The following LRRC3C variants were observed in gnomAD, a reference collection of about 807,000 sequenced individuals.
LRRC3C encodes leucine-rich repeat-containing protein 3C.
Under a neutral mutation model 14.8 loss-of-function variants are expected in LRRC3C, and 11 were observed. That is an observed-to-expected ratio of 0.74 (90% confidence interval 0.47 to 1.23). The LOEUF (loss-of-function observed/expected upper bound fraction) is 1.23, where lower values mean the gene tolerates loss of function less well. LRRC3C is among the 50% of genes most tolerant of loss of function. LRRC3C has a pLI of 0.00. For synonymous variants in LRRC3C, 149 were observed against 161.5 expected, an observed-to-expected ratio of 0.92 and a Z score of 0.59; for missense variants, 354 against 361.8, an observed-to-expected ratio of 0.98 and a Z score of 0.18.
Position 39,944,821 on chromosome 17 carries a change from C to A in LRRC3C, c.*87C>A. On this transcript the variant is annotated 3_prime_UTR_variant, in exon 4 of 4. Transcript: ENST00000377924. ...CTGACCCCCTCTGCCTCCTGTGCAG[C>A]TTCACCCCTGCCCCCAAGCCCATCC... is the stretch of plus-strand genomic sequence containing the variant. The A allele has an allele frequency of 8.0e-7, 1 of 1,248,218 alleles. No homozygotes were observed. The highest frequency in any genetic ancestry group is 1.1e-6 in the Non-Finnish European group (1 of 902,390). 77.3% of individuals were successfully genotyped at this position (1,248,218 alleles called of 1,614,324 possible).
intron 1 of LRRC3C, among the ~76,000 whole-genome samples, chr17:39,935,515 T>A (rs1472748131): frequency 2.6e-5 from 4 of 152,074 alleles, no homozygotes; most frequent in Non-Finnish European, 5.9e-5. Flanking sequence ...TAGCTGGGTG[T>A]GGTGGTGTGC....
Position 39,944,554 on chromosome 17 carries a change from G to A in LRRC3C, c.648G>A (p.Gly216=), listed in dbSNP as rs1428204432. The change falls in exon 4 of 4, where the codon GGG becomes GGA. Residue 216 remains glycine (G), a synonymous_variant. Coordinates refer to ENST00000377924, the MANE Select transcript of LRRC3C (RefSeq NM_001195545.2). ...EEELCGSGWG[G]ARRSTDVALL... ...AGCTGTGTGGGTCGGGGTGGGGTGG[G>A]GCCCGGAGGAGCACCGATGTGGCCC... is the stretch of plus-strand genomic sequence containing the variant. 1 of 1,522,168 alleles carries A rather than the reference G, an allele frequency of 6.6e-7. No homozygotes were observed. The highest frequency in any genetic ancestry group is 8.8e-7 in the Non-Finnish European group (1 of 1,139,102). 94.3% of individuals were successfully genotyped at this position (1,522,168 alleles called of 1,614,324 possible).
At position 39,944,971 on chromosome 17, in the gene LRRC3C, G is replaced by A. The variant is rs1979052661; in HGVS notation, c.*237G>A. Among the ~76,000 whole-genome samples the A allele has an allele frequency of 6.6e-6, 1 of 151,838 alleles. No homozygotes were observed. The highest frequency in any genetic ancestry group is 1.5e-5 in the Non-Finnish European group (1 of 67,972). The stretch of plus-strand genomic sequence containing the variant: ...TTGGTGCCTACTCTGTGCCTGGATT[G>A]TGCTAGACTCAGAAAACCCATAACA... On this transcript the variant is annotated 3_prime_UTR_variant, in exon 4 of 4. Transcript: ENST00000377924.
chr17:39,936,806 G>A (rs1359952452), intron 2 of LRRC3C, among the ~76,000 whole-genome samples: 4 of 151,502 alleles, frequency 2.6e-5, no homozygotes, highest in African/African-American at 4.9e-5. Flanking sequence ...GACAGAGTGG[G>A]ACCCCGTCTC....
At position 39,944,782 on chromosome 17, in the gene LRRC3C, C is replaced by G; in HGVS notation, c.*48C>G. On this transcript the variant is annotated 3_prime_UTR_variant, in exon 4 of 4. Transcript: ENST00000377924. The stretch of plus-strand genomic sequence containing the variant: ...CACACCCCACACTCCTGCCCCTATG[C>G]CCTCTCCTTTGCTCTGACCCCCTCT... 1 of 1,509,400 alleles carries G rather than the reference C, an allele frequency of 6.6e-7. No homozygotes were observed. Among genetic ancestry groups the G allele is most frequent in the Non-Finnish European group, 8.9e-7 (1 of 1,125,906 alleles). The allele number at this position is 1,509,400 out of a possible 1,614,324, so 93.5% of individuals were successfully genotyped here.
chr17:39,944,378 T>C lies in LRRC3C; in HGVS notation c.472T>C (p.Ser158Pro). ...FVGLQIQVNL[S>P]ANPWHCDCAL... The stretch of plus-strand genomic sequence containing the variant: ...GGGGCTACAGATCCAAGTGAACCTA[T>C]CCGCAAACCCATGGCACTGTGACTG... The change falls in exon 4 of 4, where the codon TCC (serine) becomes CCC (proline). Residue 158 changes from serine (S) to proline (P), a missense_variant. Transcript: ENST00000377924. 1 of 1,527,964 alleles carries C rather than the reference T, an allele frequency of 6.5e-7. No individual in the cohort carries two copies. Among genetic ancestry groups the C allele is most frequent in the South Asian group, 1.2e-5 (1 of 82,560 alleles). The allele number at this position is 1,527,964 out of a possible 1,614,324, so 94.7% of individuals were successfully genotyped here.
At chr17:39,934,042 G>A (rs923940583) in intron 1 of LRRC3C, among the ~76,000 whole-genome samples, 1 of 152,266 alleles carries the variant, frequency 6.6e-6, no homozygotes, top group Non-Finnish European at 1.5e-5. Context: ...TCAGAAGCCA[G>A]GAGTGGGTGC....
chr17:39,944,123 G>C lies in LRRC3C; in HGVS notation c.217G>C (p.Val73Leu). 6.5e-7 allele frequency: 1 copy of C among 1,536,214 alleles called. No individual in the cohort carries two copies. The highest frequency in any genetic ancestry group is 8.7e-7 in the Non-Finnish European group (1 of 1,146,932). The change falls in exon 4 of 4, where the codon GTG becomes CTG. Residue 73 changes from valine (V) to leucine (L), a missense_variant. Physicochemically the swap from Val to Leu is conservative, Grantham distance 32. Transcript: ENST00000377924. ...FRCSQAGLSA[V>L]PSGIPNDTRK... ...CTGCAGCCAGGCAGGCCTCAGTGCT[G>C]TGCCCTCCGGCATCCCCAATGACAC...
chr17:39,935,388 A>T (rs1342064941), intron 1 of LRRC3C, among the ~76,000 whole-genome samples: 1 of 151,580 alleles, frequency 6.6e-6, no homozygotes, highest in East Asian at 1.9e-4. Context: ...CCTCAACCCA[A>T]GCCTTCCCTT....
chr17:39,940,366 C>T (rs1429570419), intron 2 of LRRC3C, among the ~76,000 whole-genome samples: 2 of 152,120 alleles, frequency 1.3e-5, no homozygotes, highest in Admixed American at 6.6e-5. Context: ...CACAAGAGCT[C>T]TGCACTTGGT....
intron 1 of LRRC3C, among the ~76,000 whole-genome samples, chr17:39,935,498 C>T (rs2144761832): frequency 6.6e-6 from 1 of 152,210 alleles, no homozygotes; most frequent in South Asian, 2.1e-4. Context: ...CACAAAAATA[C>T]AAAAGTTAGC....
rs1302086336 is a variant in LRRC3C at position 39,944,081 on chromosome 17, G to A, written c.175G>A (p.Gly59Ser). 2 of 1,536,016 alleles carry A rather than the reference G, an allele frequency of 1.3e-6. No individual in the cohort carries two copies. Among genetic ancestry groups the A allele is most frequent in the Admixed American group, 2.0e-5 (1 of 50,984 alleles). ...GGGCTGTTATGTGGCAAAGGAAGCA[G>A]GTGAACGGACGTTCCGCTGCAGCCA... ...PRGCYVAKEA[G>S]ERTFRCSQAG... Residue 59 changes from glycine to serine, a missense_variant, in exon 4 of 4, where the codon GGT (glycine) becomes AGT (serine). Physicochemically the swap from Gly to Ser is moderately conservative, Grantham distance 56. Coordinates refer to ENST00000377924, the MANE Select transcript of LRRC3C (RefSeq NM_001195545.2).
chr17:39,937,320 C>A (rs1338513728), intron 2 of LRRC3C, among the ~76,000 whole-genome samples: 1 of 152,032 alleles, frequency 6.6e-6, no homozygotes, highest in African/African-American at 2.4e-5. Flanking sequence ...CCTGTAATCC[C>A]AGCTACTCCG....
intron 1 of LRRC3C, chr17:39,929,364 A>T (rs535323500): frequency 6.6e-6 from 1 of 152,358 alleles, no homozygotes; most frequent in East Asian, 1.9e-4. Flanking sequence ...AACTCCTGTT[A>T]TCGAGGATTT....
intron 1 of LRRC3C, chr17:39,929,294 A>G (rs1005816949): frequency 6.6e-6 from 1 of 152,190 alleles, no homozygotes; most frequent in Non-Finnish European, 1.5e-5. Flanking sequence ...GTCTCAAATA[A>G]GGTTCTGACT....
At chr17:39,930,631 C>A (rs1460916486) in intron 1 of LRRC3C, among the ~76,000 whole-genome samples, 1 of 144,220 alleles carries the variant, frequency 6.9e-6, no homozygotes, top group Non-Finnish European at 1.5e-5. Flanking sequence ...TTGCTTGAAC[C>A]CAGGAGGCAG....
intron 3 of LRRC3C, among the ~76,000 whole-genome samples, chr17:39,941,920 G>A (rs900964828): frequency 3.9e-5 from 6 of 152,100 alleles, no homozygotes; most frequent in African/African-American, 9.7e-5. Flanking sequence ...TCCCAGCACC[G>A]AACTGGAGAT....
chr17:39,935,844 C>G lies in LRRC3C; in HGVS notation c.-132C>G. 1.0e-6 allele frequency: 1 copy of G among 985,452 alleles called. No individual in the cohort carries two copies. The highest frequency in any genetic ancestry group is 1.2e-6 in the Non-Finnish European group (1 of 829,940). 61.0% of individuals were successfully genotyped at this position (985,452 alleles called of 1,614,324 possible). On this transcript the variant is annotated 5_prime_UTR_variant, in exon 2 of 4. Coordinates refer to ENST00000377924, the MANE Select transcript of LRRC3C (RefSeq NM_001195545.2). ...GGCCTTTGTTGCCCTCTCCGCGAAA[C>G]TGCCCAGTAACCTGGCATTAGACGG... is the stretch of plus-strand genomic sequence containing the variant.
At chr17:39,937,898 G>C (rs1038782522) in intron 2 of LRRC3C, among the ~76,000 whole-genome samples, 16 of 152,184 alleles carry the variant, frequency 1.1e-4, no homozygotes, top group Non-Finnish European at 2.9e-5. Flanking sequence ...TTGGGAGGCT[G>C]AGGCAAGTGG....
Sources: allele counts gnomAD v4.1 joint callset (sites outside exome capture counted in the v4.1 genomes callset), GRCh38; gene constraint gnomAD v4.1.1; transcripts MANE v1.5; gene names NCBI Gene and HGNC (gene_info 2026-07-23, HGNC 2026-07-21).